Variants in SORBS2 observed in about 807,000 individuals in gnomAD.
SORBS2 encodes the protein sorbin and SH3 domain containing 2.
Under a neutral mutation model 97.7 loss-of-function variants are expected in SORBS2, and 46 were observed. The observed-to-expected ratio is 0.47, with a 90% CI of 0.37 to 0.60. SORBS2 has a LOEUF of 0.60. SORBS2 is among the 20% of genes least tolerant of loss of function. The pLI, the probability that SORBS2 is intolerant of heterozygous loss-of-function variation, is 0.00. For missense variants in SORBS2, 1,316 were observed against 1,282.3 expected (o/e 1.03, Z -0.40); for synonymous variants, 476 against 473.4 (o/e 1.01, Z -0.07).
intron 3 of SORBS2, among the ~76,000 whole-genome samples, chr4:185,648,879 G>A (rs1244126816): frequency 2.0e-5 from 3 of 152,058 alleles, no homozygotes; most frequent in African/African-American, 7.2e-5. Context: ...GCTCAATGAA[G>A]GTTACCTATA....
upstream of SORBS2, among the ~76,000 whole-genome samples, chr4:185,658,326 T>C (rs1466041940): frequency 2.6e-5 from 4 of 152,200 alleles, no homozygotes; most frequent in Admixed American, 2.0e-4. Context: ...GTTCTTCATG[T>C]TTTTTAGTAA....
chr4:185,611,574 T>G (rs2096539757), intron 12 of SORBS2, among the ~76,000 whole-genome samples: 1 of 152,186 alleles, frequency 6.6e-6, no homozygotes, highest in South Asian at 2.1e-4. Context: ...TGAGCAAAAT[T>G]AATCATTAAA....
At chr4:185,739,104 T>A (rs1461090111) in intron 2 of SORBS2, among the ~76,000 whole-genome samples, 1 of 152,288 alleles carries the variant, frequency 6.6e-6, no homozygotes, top group Non-Finnish European at 1.5e-5. Flanking sequence ...GTCTCCACCC[T>A]GGTGTTCTAT....
chr4:185,667,707 C>CATAT (rs10653312), intron 4 of SORBS2, among the ~76,000 whole-genome samples: 71 of 146,762 alleles, frequency 4.8e-4, no homozygotes, highest in East Asian at 4.7e-3. Flanking sequence ...TATATATATA[C>CATAT]GTATATATAT....
chr4:185,629,729 A>G (rs2096875831), intron 5 of SORBS2, among the ~76,000 whole-genome samples: 1 of 151,724 alleles, frequency 6.6e-6, no homozygotes, highest in Non-Finnish European at 1.5e-5. Flanking sequence ...TGTCTAGCTA[A>G]TTTTTGTAGT....
intron 2 of SORBS2, among the ~76,000 whole-genome samples, chr4:185,681,653 A>T (rs990536380): frequency 2.6e-5 from 4 of 152,194 alleles, no homozygotes; most frequent in Non-Finnish European, 5.9e-5. Context: ...TTTAACAAAT[A>T]GGGTCTTGAA....
At chr4:185,600,057 T>C (rs1025439024) in intron 12 of SORBS2, among the ~76,000 whole-genome samples, 6 of 152,252 alleles carry the variant, frequency 3.9e-5, no homozygotes, top group African/African-American at 1.4e-4. Context: ...TACGTCAGCC[T>C]GGAAAATGTA....
At chr4:185,819,185 A>C (rs1267907599) in intron 1 of SORBS2, among the ~76,000 whole-genome samples, 1 of 152,200 alleles carries the variant, frequency 6.6e-6, no homozygotes, top group East Asian at 1.9e-4. Flanking sequence ...CACTTGAAGG[A>C]TTGAGAAATA....
intron 1 of SORBS2, among the ~76,000 whole-genome samples, chr4:185,835,918 A>G (rs1194464321): frequency 6.6e-6 from 1 of 152,130 alleles, no homozygotes; most frequent in Non-Finnish European, 1.5e-5. Flanking sequence ...AAGCCTGTTG[A>G]CATGATAATC....
chr4:185,624,061 C>T (rs779305717), exon 7 of SORBS2: 1 of 1,614,158 alleles, frequency 6.2e-7, no homozygotes, highest in South Asian at 1.1e-5. Flanking sequence ...TTTTCTTGTA[C>T]ATCTTCAGGA....
intron 1 of SORBS2, among the ~76,000 whole-genome samples, chr4:185,950,059 C>T (rs1177661042): frequency 6.6e-6 from 1 of 152,164 alleles, no homozygotes; most frequent in Non-Finnish European, 1.5e-5. Context: ...CGAAACCAGC[C>T]TGGCCACCAT....
intron 1 of SORBS2, among the ~76,000 whole-genome samples, chr4:185,886,965 G>A (rs1002788421): frequency 2.0e-5 from 3 of 152,268 alleles, no homozygotes; most frequent in South Asian, 2.1e-4. Context: ...ACCTTCCAGC[G>A]GGCAGCGATA....
At chr4:185,853,443 C>A (rs2099219031) in intron 1 of SORBS2, among the ~76,000 whole-genome samples, 1 of 152,106 alleles carries the variant, frequency 6.6e-6, no homozygotes, top group South Asian at 2.1e-4. Context: ...AAATGCACCC[C>A]AAGAAATGTA....
chr4:185,678,139 A>G (rs1157224733), intron 4 of SORBS2, among the ~76,000 whole-genome samples: 2 of 152,210 alleles, frequency 1.3e-5, no homozygotes, highest in Non-Finnish European at 2.9e-5. Context: ...AATCCAAAGC[A>G]TCAGCTGTCA....
At chr4:185,944,090 A>G (rs930717703) in intron 1 of SORBS2, among the ~76,000 whole-genome samples, 1 of 152,248 alleles carries the variant, frequency 6.6e-6, no homozygotes, top group African/African-American at 2.4e-5. Flanking sequence ...TGCACTCCTT[A>G]TTAGGAAACT....
At chr4:185,863,900 G>A (rs866866309) in intron 1 of SORBS2, among the ~76,000 whole-genome samples, 4 of 152,028 alleles carry the variant, frequency 2.6e-5, no homozygotes, top group South Asian at 2.1e-4. Context: ...TAACAATATG[G>A]GGTTCTTTAA....
chr4:185,843,957 G>A (rs549519846), intron 1 of SORBS2, among the ~76,000 whole-genome samples: 1 of 152,324 alleles, frequency 6.6e-6, no homozygotes, highest in Middle Eastern at 3.4e-3. Context: ...TTACCTACCT[G>A]ATTTCATGAC....
At chr4:185,716,231 G>GT (rs1294796579) in intron 2 of SORBS2, among the ~76,000 whole-genome samples, 3 of 152,228 alleles carry the variant, frequency 2.0e-5, no homozygotes, top group African/African-American at 7.2e-5. Flanking sequence ...AGTCAAGAGT[G>GT]TAGATGCTGG....
intron 1 of SORBS2, among the ~76,000 whole-genome samples, chr4:185,880,346 T>C (rs4862584): frequency 0.27 from 41,510 of 152,108 alleles, 5,930 homozygotes; most frequent in East Asian, 0.54. Flanking sequence ...AGGGGTGATA[T>C]GGTTAGCAAA....
Sources: allele counts gnomAD v4.1 joint callset (sites outside exome capture counted in the v4.1 genomes callset), GRCh38; gene constraint gnomAD v4.1.1; transcripts MANE v1.5; gene names NCBI Gene and HGNC (gene_info 2026-07-23, HGNC 2026-07-21).